The following PDE10A variants were observed in gnomAD, a reference collection of about 807,000 sequenced individuals.
PDE10A encodes phosphodiesterase 10A, also known as cAMP and cAMP-inhibited cGMP 3',5'-cyclic phosphodiesterase 10A.
In PDE10A, 39 loss-of-function variants were observed where a neutral mutation model predicts 97.7. The ratio of observed to expected loss-of-function variants is 0.40; its 90% CI spans 0.31 to 0.52. The LOEUF is 0.52. Ranked by LOEUF, PDE10A falls within the 20% of genes least tolerant of loss-of-function variation. The pLI, the probability that PDE10A is intolerant of heterozygous loss-of-function variation, is 0.56. For synonymous variants in PDE10A, 371 were observed against 376.8 expected (o/e 0.98, Z 0.18); for missense variants, 731 against 1,047.8 (o/e 0.70, Z 4.17).
intron 1 of PDE10A, chr6:165,781,912 T>G (rs1024372928): frequency 6.6e-6 from 1 of 152,226 alleles, no homozygotes; most frequent in African/African-American, 2.4e-5. Context: ...GTTGTTCTTC[T>G]AACTTAGAGA....
intron 1 of PDE10A, among the ~76,000 whole-genome samples, chr6:165,563,862 G>C (rs1437867409): frequency 1.3e-5 from 2 of 151,070 alleles, no homozygotes; most frequent in East Asian, 3.9e-4. Context: ...CTGCACTCCA[G>C]TCTGGGCGAC....
chr6:165,943,214 A>AAGGAAGGAAGGAAGGAAG (rs1562809625), intron 1 of PDE10A, among the ~76,000 whole-genome samples: 1 of 85,812 alleles, frequency 1.2e-5, no homozygotes, highest in Admixed American at 1.0e-4. Context: ...AAAGAAAGAA[A>AAGGAAGGAAGGAAGGAAG]GAAAGAAAGA....
chr6:165,519,809 T>C (rs1279496087), intron 2 of PDE10A, among the ~76,000 whole-genome samples: 1 of 152,178 alleles, frequency 6.6e-6, no homozygotes, highest in Non-Finnish European at 1.5e-5. Context: ...TGTAGAAAAT[T>C]ATGTGGCTCG....
At chr6:165,853,926 A>C (rs1228549345) in intron 1 of PDE10A, among the ~76,000 whole-genome samples, 1 of 152,164 alleles carries the variant, frequency 6.6e-6, no homozygotes, top group Non-Finnish European at 1.5e-5. Flanking sequence ...GCAACCAGGC[A>C]CTGCTCCTGG....
At chr6:165,367,265 G>A (rs924192899) in intron 18 of PDE10A, among the ~76,000 whole-genome samples, 11 of 150,612 alleles carry the variant, frequency 7.3e-5, no homozygotes, top group Admixed American at 4.0e-4. Context: ...GTGTGTGTGC[G>A]TGCATCTGTG....
At chr6:165,881,134 G>A (rs1781460356) in intron 1 of PDE10A, among the ~76,000 whole-genome samples, 1 of 152,132 alleles carries the variant, frequency 6.6e-6, no homozygotes, top group Non-Finnish European at 1.5e-5. Context: ...AGTTGAAATG[G>A]CTTCTAGGCT....
intron 10 of PDE10A, among the ~76,000 whole-genome samples, chr6:165,422,334 TACAC>T (rs892652002): frequency 9.1e-6 from 1 of 109,776 alleles, no homozygotes; most frequent in Non-Finnish European, 1.9e-5. Flanking sequence ...CACACAGGCA[TACAC>T]ACACACATAT....
At chr6:165,900,297 C>T (rs925389189) in intron 1 of PDE10A, among the ~76,000 whole-genome samples, 3 of 152,088 alleles carry the variant, frequency 2.0e-5, no homozygotes, top group Non-Finnish European at 4.4e-5. Context: ...CATGGAGAAA[C>T]CCTATCTCTA....
At chr6:165,739,888 A>T (rs1215087131) in intron 1 of PDE10A, among the ~76,000 whole-genome samples, 1 of 152,210 alleles carries the variant, frequency 6.6e-6, no homozygotes, top group Non-Finnish European at 1.5e-5. Flanking sequence ...ATCATCAGGG[A>T]AATGCAAAGC....
At chr6:165,820,587 G>A (rs566871490) in intron 1 of PDE10A, among the ~76,000 whole-genome samples, 9 of 152,310 alleles carry the variant, frequency 5.9e-5, no homozygotes, top group Admixed American at 4.6e-4. Context: ...TACTCAGCAT[G>A]AGCCCAGGCC....
intron 13 of PDE10A, among the ~76,000 whole-genome samples, chr6:165,408,602 CTTTTA>C (rs1201576098): frequency 5.9e-5 from 9 of 151,976 alleles, no homozygotes; most frequent in African/African-American, 1.7e-4. Flanking sequence ...GAGCTATTTT[CTTTTA>C]TTTTTTTATT....
chr6:165,715,878 TCTCC>T (rs1792014435), intron 1 of PDE10A, among the ~76,000 whole-genome samples: 1 of 152,204 alleles, frequency 6.6e-6, no homozygotes, highest in Non-Finnish European at 1.5e-5. Flanking sequence ...CACATTACTT[TCTCC>T]TCAGCTTTAT....
At chr6:165,916,109 A>G (rs556089304) in intron 1 of PDE10A, among the ~76,000 whole-genome samples, 91 of 152,336 alleles carry the variant, frequency 6.0e-4, no homozygotes, top group African/African-American at 2.2e-3. Context: ...TTGCTATGGG[A>G]ACATTAATTT....
At chr6:165,529,698 G>A (rs1055992406) in intron 2 of PDE10A, among the ~76,000 whole-genome samples, 5 of 152,022 alleles carry the variant, frequency 3.3e-5, no homozygotes, top group South Asian at 2.1e-4. Context: ...ACTTCATATC[G>A]GCATTGAAGT....
At chr6:165,340,730 G>A (rs1376213345) in intron 19 of PDE10A, among the ~76,000 whole-genome samples, 1 of 152,218 alleles carries the variant, frequency 6.6e-6, no homozygotes, top group Non-Finnish European at 1.5e-5. Context: ...CAGAGGGCAG[G>A]AGCATGCTCC....
At chr6:165,875,126 T>C (rs1049136970) in intron 1 of PDE10A, among the ~76,000 whole-genome samples, 12 of 152,308 alleles carry the variant, frequency 7.9e-5, no homozygotes, top group African/African-American at 2.4e-4. Context: ...ACAGGTGCCT[T>C]GGGTTCATCT....
At chr6:165,448,882 G>C (rs1276396253) in intron 5 of PDE10A, 46 bp downstream of exon 5, 5 of 1,164,588 alleles carry the variant, frequency 4.3e-6, no homozygotes, top group Non-Finnish European at 6.3e-6. Context: ...AGGAGCTTAT[G>C]ATATTTTCTT....
intron 1 of PDE10A, among the ~76,000 whole-genome samples, chr6:165,754,550 A>C (rs1793074805): frequency 6.6e-6 from 1 of 152,180 alleles, no homozygotes; most frequent in Admixed American, 6.5e-5. Context: ...AGATATAGGC[A>C]ACCAAAAGTT....
chr6:165,861,311 C>T (rs1244831652), intron 1 of PDE10A, among the ~76,000 whole-genome samples: 1 of 151,952 alleles, frequency 6.6e-6, no homozygotes, highest in Non-Finnish European at 1.5e-5. Context: ...GCATGACAAA[C>T]CTTCCTGCCC....
Sources: allele counts gnomAD v4.1 joint callset (sites outside exome capture counted in the v4.1 genomes callset), GRCh38; gene constraint gnomAD v4.1.1; transcripts MANE v1.5; gene names NCBI Gene and HGNC (gene_info 2026-07-23, HGNC 2026-07-21).